The following TBC1D5 variants were observed in gnomAD, a reference collection of about 807,000 sequenced individuals.
The protein encoded by TBC1D5 is TBC1 domain family member 5, also known as TBC1 domain family, member 5.
Under a neutral mutation model 100.3 loss-of-function variants are expected in TBC1D5, and 75 were observed. That is an observed-to-expected ratio of 0.75 (90% confidence interval 0.62 to 0.91). The LOEUF is 0.91. Among genes scored for constraint, TBC1D5 ranks in the 40% least tolerant of loss-of-function variants. The probability of loss-of-function intolerance (pLI) is 0.00; values close to 1 mark genes in which losing one functional copy is unlikely to be tolerated. For synonymous variants in TBC1D5, 323 were observed against 325.6 expected, an observed-to-expected ratio of 0.99 and a Z score of 0.09; for missense variants, 910 against 942.4, an observed-to-expected ratio of 0.97 and a Z score of 0.45.
Position 17,168,915 on chromosome 3 carries a change from T to C in TBC1D5, c.1853-1087A>G, listed in dbSNP as rs537962391. Among the ~76,000 whole-genome samples the C allele has an allele frequency of 2.0e-5, 3 of 152,314 alleles. No individual in the cohort carries two copies. In the South Asian group the frequency reaches 6.2e-4, roughly 32 times the overall value. ...CCCCGTACAGCTACTAGGGCTAATA[T>C]ACCACTCCTCACTTGCTCAATGCCC... is the stretch of plus-strand genomic sequence containing the variant. On this transcript the variant is annotated intron_variant, in intron 19 of 21. Coordinates refer to ENST00000253692, the Ensembl canonical transcript of TBC1D5.
At chr3:17,346,038 G>A (rs577634270) in intron 13 of TBC1D5, among the ~76,000 whole-genome samples, 3 of 152,172 alleles carry the variant, frequency 2.0e-5, no homozygotes, top group South Asian at 4.2e-4. Context: ...CCTGCACATT[G>A]TGCACATGTA....
chr3:17,668,676 C>T (rs1353286152), intron 1 of TBC1D5, among the ~76,000 whole-genome samples: 2 of 152,082 alleles, frequency 1.3e-5, no homozygotes, highest in African/African-American at 2.4e-5. Flanking sequence ...ATTCATTCTG[C>T]GTAAACTGCC....
intron 3 of TBC1D5, among the ~76,000 whole-genome samples, chr3:17,488,068 C>T (rs933666370): frequency 9.2e-5 from 14 of 152,124 alleles, no homozygotes; most frequent in African/African-American, 3.1e-4. Flanking sequence ...ATGACATGTG[C>T]CCACATTACA....
chr3:17,645,888 T>C (rs1252846547), intron 1 of TBC1D5, among the ~76,000 whole-genome samples: 1 of 152,062 alleles, frequency 6.6e-6, no homozygotes, highest in East Asian at 1.9e-4. Context: ...AACTCATGTC[T>C]CTCTTTCCCC....
chr3:17,245,022 CAAAA>C (rs34531807), intron 16 of TBC1D5, among the ~76,000 whole-genome samples: 1 of 35,358 alleles, frequency 2.8e-5, no homozygotes, highest in Non-Finnish European at 5.7e-5. Flanking sequence ...CCTGTCTCTA[CAAAA>C]AAAAAAAAAA....
intron 4 of TBC1D5, among the ~76,000 whole-genome samples, chr3:17,420,210 A>C (rs1459139678): frequency 2.0e-5 from 3 of 152,004 alleles, no homozygotes; most frequent in Non-Finnish European, 4.4e-5. Context: ...CCTTGAACAA[A>C]AAAAAAAAAT....
At chr3:17,592,331 A>G (rs918490141) in intron 2 of TBC1D5, among the ~76,000 whole-genome samples, 1 of 152,198 alleles carries the variant, frequency 6.6e-6, no homozygotes, top group Non-Finnish European at 1.5e-5. Flanking sequence ...TAGCAAACAC[A>G]CTGGACTTAT....
At chr3:17,606,398 G>A (rs777645966) in intron 2 of TBC1D5, among the ~76,000 whole-genome samples, 82 of 152,182 alleles carry the variant, frequency 5.4e-4, no homozygotes, top group Middle Eastern at 3.4e-3. Context: ...TGCAGTGAGC[G>A]GTGATTGCAC....
intron 1 of TBC1D5, among the ~76,000 whole-genome samples, chr3:17,713,568 C>A (rs2074960640): frequency 6.6e-6 from 1 of 152,080 alleles, no homozygotes. Flanking sequence ...CAAACGACAA[C>A]TCAACAATTC....
chr3:17,664,330 A>G (rs923830775), intron 1 of TBC1D5, among the ~76,000 whole-genome samples: 5 of 152,142 alleles, frequency 3.3e-5, no homozygotes, highest in Non-Finnish European at 5.9e-5. Flanking sequence ...TCAGCCTCCC[A>G]AAGTGCTGGG....
rs555663975 is a variant in TBC1D5 at position 17,238,913 on chromosome 3, A to G, written c.1332-494T>C. Among the ~76,000 whole-genome samples the G allele has an allele frequency of 9.2e-5, 14 of 152,300 alleles. No individual in the cohort carries two copies. In the South Asian group the frequency reaches 2.9e-3, roughly 32 times the overall value. On this transcript the variant is annotated intron_variant, in intron 16 of 21. Coordinates refer to ENST00000253692, the Ensembl canonical transcript of TBC1D5. ...GCACATGGGTACTAGGTCAAATTTA[A>G]TATGATTTTGAAAATATATATGTCT...
At chr3:17,169,599 T>A (rs988840736) in intron 19 of TBC1D5, among the ~76,000 whole-genome samples, 2 of 152,160 alleles carry the variant, frequency 1.3e-5, no homozygotes, top group African/African-American at 4.8e-5. Context: ...AGAAAGCAAG[T>A]TGAATGGGAA....
At chr3:17,201,110 A>T (rs902265941) in intron 18 of TBC1D5, among the ~76,000 whole-genome samples, 2 of 152,098 alleles carry the variant, frequency 1.3e-5, no homozygotes, top group Admixed American at 6.5e-5. Context: ...TCACTGCCAC[A>T]AATTAGAAAG....
chr3:17,532,668 G>A (rs919717240), intron 2 of TBC1D5, among the ~76,000 whole-genome samples: 6 of 152,162 alleles, frequency 3.9e-5, no homozygotes, highest in African/African-American at 1.2e-4. Context: ...AAAAAAGGAT[G>A]AGTTCATTTC....
intron 1 of TBC1D5, among the ~76,000 whole-genome samples, chr3:17,693,274 T>C (rs772221352): frequency 4.6e-5 from 7 of 152,078 alleles, no homozygotes; most frequent in Non-Finnish European, 7.4e-5. Context: ...TGAAGCAGGG[T>C]GGGGCATTGA....
exon 22 of TBC1D5, chr3:17,160,879 G>T: frequency 6.8e-7 from 1 of 1,481,308 alleles, no homozygotes; most frequent in Non-Finnish European, 9.1e-7. Context: ...GTTTAAGAAG[G>T]TTCTCCACTG....
intron 3 of TBC1D5, among the ~76,000 whole-genome samples, chr3:17,432,021 T>A (rs908751283): frequency 2.0e-5 from 3 of 152,276 alleles, no homozygotes; most frequent in Admixed American, 2.0e-4. Flanking sequence ...ACAGCCAGAA[T>A]AACACTATAA....
chr3:17,288,316 G>C (rs902258489), intron 15 of TBC1D5, among the ~76,000 whole-genome samples: 33 of 152,160 alleles, frequency 2.2e-4, no homozygotes, highest in African/African-American at 7.2e-4. Flanking sequence ...TTAGTTCATT[G>C]TAATGGTGGC....
At chr3:17,515,743 T>A (rs990382087) in intron 2 of TBC1D5, among the ~76,000 whole-genome samples, 2 of 152,188 alleles carry the variant, frequency 1.3e-5, no homozygotes, top group Non-Finnish European at 2.9e-5. Flanking sequence ...GATAAACAGA[T>A]CCTTAATAGT....
Sources: gnomAD v4.1 joint callset for allele counts (sites outside exome capture counted in the v4.1 genomes callset) on GRCh38, gnomAD v4.1.1 for gene constraint, MANE v1.5 for transcripts, NCBI Gene and HGNC (gene_info 2026-07-23, HGNC 2026-07-21) for gene names.